LPCAT4: variants seen among roughly 807,000 people sequenced by gnomAD.
LPCAT4 encodes lysophospholipid acyltransferase LPCAT4.
LPCAT4 carries 30 observed loss-of-function variants against 66.5 expected under a neutral mutation model. That is an observed-to-expected ratio of 0.45 (90% confidence interval 0.34 to 0.61). LPCAT4 has a LOEUF of 0.61. LPCAT4 is among the 20% of genes least tolerant of loss of function. The pLI, the probability that LPCAT4 is intolerant of heterozygous loss-of-function variation, is 0.01. For missense variants in LPCAT4, 557 were observed against 656.7 expected (o/e 0.85, Z 1.66); for synonymous variants, 253 against 262.1 (o/e 0.97, Z 0.34).
chr15:34,362,430 C>A lies in LPCAT4; in HGVS notation c.885-109G>T, dbSNP rs531343653. The A allele has an allele frequency of 2.0e-5, 29 of 1,463,118 alleles. No homozygotes were observed. In the African/African-American group the frequency reaches 3.5e-4, roughly 18 times the overall value. The allele number at this position is 1,463,118 out of a possible 1,614,324, so 90.6% of individuals were successfully genotyped here. The stretch of plus-strand genomic sequence containing the variant: ...TGGAGTAGATCAGGCCCCTTTAAAT[C>A]TCCCTGCCTCTGTCTCAGCTGTTCA... On this transcript the variant is annotated intron_variant, in intron 9 of 13. Transcript: ENST00000314891.
chr15:34,364,618 CT>C, intron 3 of LPCAT4: 5 of 198,820 alleles, frequency 2.5e-5, no homozygotes, highest in East Asian at 1.2e-4. Context: ...CGCCCGGCTA[CT>C]TTTTTTGTAT....
chr15:34,361,356 G>A (rs763968604), intron 11 of LPCAT4, 44 bp downstream of exon 11: 1 of 1,611,726 alleles, frequency 6.2e-7, no homozygotes, highest in East Asian at 2.2e-5. Flanking sequence ...TCAGCCTGGA[G>A]GGAAGCCTGG....
Position 34,363,433 on chromosome 15 carries a change from C to G in LPCAT4, c.735G>C (p.Arg245Ser). ...NSLDTTSWAW[R>S]GPGVLKVLWL... is the part of the protein sequence containing the mutation. Reference sequence around the variant, plus strand: ...ATACCAGAACTCACACTCCAGGACCCCTCCATGCCCAGCTGGTGGTGTCCT... The same window carrying G: ...ATACCAGAACTCACACTCCAGGACCGCTCCATGCCCAGCTGGTGGTGTCCT... Residue 245 changes from arginine (R) to serine (S), a missense_variant, in exon 7 of 14, where the codon AGG becomes AGC. By Grantham distance (110) the Arg-to-Ser change is moderately radical (BLOSUM62 -1). Coordinates refer to ENST00000314891, the MANE Select transcript of LPCAT4 (RefSeq NM_153613.3). The surrounding 1 kb of genome is among the most constrained non-coding windows in gnomAD (Gnocchi z 4.3). The G allele has an allele frequency of 6.2e-7, 1 of 1,614,126 alleles. No homozygotes were observed. The highest frequency in any genetic ancestry group is 8.5e-7 in the Non-Finnish European group (1 of 1,180,008).
chr15:34,364,359 G>T, intron 3 of LPCAT4, 53 bp from the exon 4 acceptor site: 2 of 1,094,704 alleles, frequency 1.8e-6, no homozygotes, highest in South Asian at 1.3e-5. Flanking sequence ...CCCAGGGGCA[G>T]TAACATCTGC....
intron 11 of LPCAT4, 67 bp downstream of exon 11, chr15:34,361,333 C>T: frequency 1.3e-6 from 2 of 1,599,990 alleles, no homozygotes; most frequent in Non-Finnish European, 1.7e-6. Context: ...CTGATACGGC[C>T]ACTAGGAACA....
At chr15:34,360,336 T>C (rs1890913753) in intron 11 of LPCAT4, 127 bp from the exon 12 acceptor site, 2 of 694,588 alleles carry the variant, frequency 2.9e-6, no homozygotes, top group Admixed American at 4.8e-5. Context: ...CCCTCAGAAC[T>C]GTGAGCTCCA....
At chr15:34,366,564 C>T (rs1052464270) in intron 1 of LPCAT4, among the ~76,000 whole-genome samples, 6 of 152,024 alleles carry the variant, frequency 3.9e-5, no homozygotes, top group Non-Finnish European at 7.4e-5. Flanking sequence ...GGCTCCCGGC[C>T]CAGAAACGTC....
rs199597632 is a variant in LPCAT4 at position 34,359,655 on chromosome 15, G to T, written c.1333C>A (p.His445Asn). Residue 445 changes from histidine to asparagine, a missense_variant, in exon 13 of 14, where the codon CAC (histidine) becomes AAC (asparagine). This residue lies in a region of LPCAT4 where 392 missense variants were observed against 473.9 expected (regional missense o/e 0.83). Transcript: ENST00000314891. ...TILHLLLGSPHPAATALHAEL... is the reference protein window; with the variant it reads ...TILHLLLGSPNPAATALHAEL... ...GCATGCAAAGCTGTGGCAGCAGGGT[G>T]GGGTGAACCCAGCAGCAGGTGCAGG... is the stretch of plus-strand genomic sequence containing the variant. 1.2e-6 allele frequency: 2 copies of T among 1,613,674 alleles called. No individual in the cohort carries two copies. Among genetic ancestry groups the T allele is most frequent in the South Asian group, 2.2e-5 (2 of 91,036 alleles).
intron 7 of LPCAT4, 139 bp from the exon 8 acceptor site, chr15:34,362,975 G>T: frequency 1.3e-6 from 1 of 799,504 alleles, no homozygotes; most frequent in Non-Finnish European, 2.1e-6. Context: ...CAGACTCCTA[G>T]CCATACAGTC....
chr15:34,361,304 G>A, intron 11 of LPCAT4, 96 bp downstream of exon 11: 1 of 1,554,724 alleles, frequency 6.4e-7, no homozygotes, highest in South Asian at 1.2e-5. Flanking sequence ...ATCCACTGAG[G>A]ACTCCAAACT....
chr15:34,361,361 G>T, intron 11 of LPCAT4, 39 bp downstream of exon 11: 1 of 1,612,596 alleles, frequency 6.2e-7, no homozygotes, highest in Non-Finnish European at 8.5e-7. Context: ...CTGGAGGGAA[G>T]CCTGGGTTCT....
At chr15:34,360,089 C>T (rs747467857) in intron 12 of LPCAT4, 22 bp downstream of exon 12, 23 of 1,569,558 alleles carry the variant, frequency 1.5e-5, no homozygotes, top group South Asian at 1.1e-4. Flanking sequence ...AAGCACCCCC[C>T]ACCACCGCCA....
At chr15:34,362,740 G>T (rs778958073) in intron 8 of LPCAT4, 42 bp downstream of exon 8, 2 of 1,612,532 alleles carry the variant, frequency 1.2e-6, no homozygotes, top group East Asian at 4.5e-5. Flanking sequence ...GGTTTCAGGA[G>T]TCTGAGATGT....
chr15:34,360,279 T>C, intron 11 of LPCAT4, 70 bp from the exon 12 acceptor site: 1 of 1,177,110 alleles, frequency 8.5e-7, no homozygotes, highest in Non-Finnish European at 1.3e-6. Flanking sequence ...GGATTTTGAC[T>C]CCTCCCTCTT....
In LPCAT4 at chr15:34,365,155, C is replaced by G; in HGVS notation, c.331G>C (p.Val111Leu). The G allele has an allele frequency of 6.2e-7, 1 of 1,614,182 alleles. No homozygotes were observed. Among genetic ancestry groups the G allele is most frequent in the African/African-American group, 1.3e-5 (1 of 75,060 alleles). The part of the protein sequence containing the change: ...FFLLGFLRIR[V>L]RGQRASRLQA... ...AGGCGAGAGGCTCGCTGGCCACGAA[C>G]GCGAATCCGGAGGAAGCCCAGCAGG... is the stretch of plus-strand genomic sequence containing the variant. The change falls in exon 3 of 14, where the codon GTT becomes CTT. Residue 111 changes from valine to leucine, a missense_variant. Transcript: ENST00000314891.
In LPCAT4 at chr15:34,364,048, C is replaced by G; in HGVS notation, c.617G>C (p.Cys206Ser). 1 of 1,613,188 alleles carries G rather than the reference C, an allele frequency of 6.2e-7. No homozygotes were observed. Among genetic ancestry groups the G allele is most frequent in the Non-Finnish European group, 8.5e-7 (1 of 1,179,152 alleles). Residue 206 changes from cysteine (C) to serine (S), a missense_variant, in exon 5 of 14, where the codon TGT becomes TCT. Physicochemically the swap from Cys to Ser is moderately radical, Grantham distance 112. Coordinates refer to ENST00000314891, the MANE Select transcript of LPCAT4 (RefSeq NM_153613.3). The stretch of plus-strand genomic sequence containing the variant: ...CTTAAGCAAAGCCTTCTTGTTGGAA[C>G]AGGTGCCCTCAGGAAAGAATAGCAC... Reference protein sequence around the residue: ...PQVLFFPEGTCSNKKALLKFK... With the variant: ...PQVLFFPEGTSSNKKALLKFK...
Position 34,359,056 on chromosome 15 carries a change from G to A in LPCAT4, c.*71C>T. On this transcript the variant is annotated 3_prime_UTR_variant, in exon 14 of 14. Transcript: ENST00000314891. Reference sequence around the variant, plus strand: ...CAATAACAAAATTCAAACAGGAGCAGAGATGGGGCTGAGGCATAGGGGAGG... The same window carrying A: ...CAATAACAAAATTCAAACAGGAGCAAAGATGGGGCTGAGGCATAGGGGAGG... 8.1e-7 allele frequency: 1 copy of A among 1,242,052 alleles called. No homozygotes were observed. The highest frequency in any genetic ancestry group is 3.0e-5 in the Admixed American group (1 of 33,684). The allele number at this position is 1,242,052 out of a possible 1,614,324, so 76.9% of individuals were successfully genotyped here. A position where few individuals can be genotyped will look rare whatever the true frequency, so the allele number is the denominator to read the frequency against.
At chr15:34,361,256 A>C (rs1053100800) in intron 11 of LPCAT4, 144 bp downstream of exon 11, 3 of 1,504,446 alleles carry the variant, frequency 2.0e-6, no homozygotes, top group Non-Finnish European at 2.7e-6. Context: ...TCTTCAGTGG[A>C]TCTCAGGGGA....
chr15:34,366,993 C>G lies in LPCAT4; in HGVS notation c.108G>C (p.Arg36Ser), dbSNP rs1024345272. 2 of 1,562,674 alleles carry G rather than the reference C, an allele frequency of 1.3e-6. No homozygotes were observed. The highest frequency in any genetic ancestry group is 1.7e-6 in the Non-Finnish European group (2 of 1,151,958). The change falls in exon 1 of 14, where the codon AGG becomes AGC. Residue 36 changes from arginine (R) to serine (S), a missense_variant. Physicochemically the swap from Arg to Ser is moderately radical, Grantham distance 110. This residue lies in a region of LPCAT4 where 94 missense variants were observed against 71.5 expected (regional missense o/e 1.32). Transcript: ENST00000314891. ...CCCGCTCCCCACACATTACCTTAAC[C>G]CTCTGGAGGCGAGAGAGATGTAACT... is the stretch of plus-strand genomic sequence containing the variant. ...VHELHLSRLQ[R>S]VKFCLLGALL...
Sources: gnomAD v4.1 joint callset for allele counts (sites outside exome capture counted in the v4.1 genomes callset) on GRCh38, gnomAD v4.1.1 for gene constraint, gnomAD v4.1.1 regional missense constraint, Gnocchi (gnomAD v3.1) non-coding constraint, MANE v1.5 for transcripts, NCBI Gene and HGNC (gene_info 2026-07-23, HGNC 2026-07-21) for gene names.